Variants in TUB observed in about 807,000 individuals in gnomAD.
TUB encodes the protein TUB bipartite transcription factor, also known as tubby protein homolog.
In TUB, 33 loss-of-function variants were observed where a neutral mutation model predicts 59.7. The observed-to-expected ratio is 0.55, with a 90% CI of 0.42 to 0.74. The LOEUF is 0.74. Among genes scored for constraint, TUB ranks in the 30% least tolerant of loss-of-function variants. The probability of loss-of-function intolerance (pLI) is 0.00; values close to 1 mark genes in which losing one functional copy is unlikely to be tolerated. For synonymous variants in TUB, 293 were observed against 256.4 expected (o/e 1.14, Z -1.36); for missense variants, 659 against 672.0 (o/e 0.98, Z 0.21).
At chr11:8,101,132 G>A in intron 11 of TUB, 135 bp downstream of exon 11, 1 of 1,094,918 alleles carries the variant, frequency 9.1e-7, no homozygotes, top group South Asian at 1.6e-5. Context: ...TTAGATGTAT[G>A]GAACTTTCTA....
intron 2 of TUB, among the ~76,000 whole-genome samples, chr11:8,059,323 T>C (rs1943078302): frequency 6.6e-6 from 1 of 152,144 alleles, no homozygotes; most frequent in Admixed American, 6.6e-5. Context: ...CCAGTCGCAG[T>C]TAGTTACACC....
intron 1 of TUB, chr11:8,039,603 G>T (rs770749349): frequency 1.4e-6 from 2 of 1,436,446 alleles, no homozygotes; most frequent in African/African-American, 2.9e-5. Flanking sequence ...ATGAGGTGAG[G>T]CTGCAAGGAT....
upstream of TUB, among the ~76,000 whole-genome samples, chr11:8,080,958 G>T (rs944015864): frequency 4.6e-5 from 7 of 152,252 alleles, no homozygotes; most frequent in East Asian, 1.4e-3. Context: ...ACACAGGGAG[G>T]TGTTCGAATG....
upstream of TUB, among the ~76,000 whole-genome samples, chr11:8,079,116 T>C (rs1255809538): frequency 2.0e-5 from 3 of 152,194 alleles, no homozygotes; most frequent in African/African-American, 7.2e-5. Context: ...TCCAGGCTCC[T>C]GAGACCTTCC....
chr11:8,044,784 C>T lies in TUB; in HGVS notation c.203+5092C>T, dbSNP rs115709565. Among the ~76,000 whole-genome samples, 198 of 152,294 alleles carry T rather than the reference C, an allele frequency of 1.3e-3. 1 individual carries two copies. The highest frequency in any genetic ancestry group is 4.5e-3 in the African/African-American group (187 of 41,558). ...ATTGGGGGTTCCTAGGACCCCTGCT[C>T]AGGTATGAACATTTGCTAGAATGGC... On this transcript the variant is annotated intron_variant, in intron 2 of 12. Coordinates refer to the TUB transcript ENST00000305253.
intron 2 of TUB, among the ~76,000 whole-genome samples, chr11:8,041,515 G>A (rs538466517): frequency 6.6e-6 from 1 of 152,258 alleles, no homozygotes; most frequent in South Asian, 2.1e-4. Context: ...TCAACTTGTT[G>A]AAGAATATCA....
At chr11:8,047,353 A>G (rs1942851195) in intron 2 of TUB, among the ~76,000 whole-genome samples, 1 of 152,140 alleles carries the variant, frequency 6.6e-6, no homozygotes, top group African/African-American at 2.4e-5. Context: ...GTCTTAGTAA[A>G]TTTATATCAA....
At chr11:8,092,575 A>G (rs573620105) in intron 3 of TUB, among the ~76,000 whole-genome samples, 1 of 152,272 alleles carries the variant, frequency 6.6e-6, no homozygotes, top group South Asian at 2.1e-4. Flanking sequence ...CCAAGGTCCA[A>G]AATCAGGGAA....
At chr11:8,097,662 G>C (rs1589982892) in intron 7 of TUB, 52 bp from the exon 8 acceptor site, 12 of 1,506,104 alleles carry the variant, frequency 8.0e-6, no homozygotes, top group African/African-American at 6.9e-5. Context: ...TCTCATGACT[G>C]TGTGCAGACC....
intron 2 of TUB, chr11:8,068,507 T>A (rs1241154395): frequency 6.6e-6 from 1 of 152,390 alleles, no homozygotes; most frequent in Non-Finnish European, 1.5e-5. Flanking sequence ...CAGTCCCATA[T>A]AACCTCTCCA....
chr11:8,089,969 A>T (rs544595454), intron 2 of TUB, 100 bp from the exon 3 acceptor site: 5 of 1,433,162 alleles, frequency 3.5e-6, no homozygotes, highest in Non-Finnish European at 9.3e-7. Context: ...TGCCAAGGAC[A>T]TGGGGCCTTG....
At chr11:8,057,646 G>A (rs370320974) in intron 2 of TUB, among the ~76,000 whole-genome samples, 2 of 152,126 alleles carry the variant, frequency 1.3e-5, no homozygotes, top group Non-Finnish European at 2.9e-5. Flanking sequence ...TGTCCCCTGC[G>A]AAGTCACGGA....
Position 8,097,409 on chromosome 11 carries a change from G to A in TUB, c.869G>A (p.Arg290His), listed in dbSNP as rs557127956. The change falls in exon 7 of 12, where the codon CGT becomes CAT. Residue 290 changes from arginine to histidine, a missense_variant. Arg to His is a conservative substitution (Grantham distance 29, BLOSUM62 0). Around this residue, in one of 3 missense-constraint regions of TUB, gnomAD observed 112 missense variants for 156.9 expected, o/e 0.71. Transcript: ENST00000299506. ...CCCACCTACTTTCTGCACCTGGACCGTGAGGATGGGAAGAAGGTAAGGTTG... is the reference window on the plus strand; with the variant it reads ...CCCACCTACTTTCTGCACCTGGACCATGAGGATGGGAAGAAGGTAAGGTTG... ...MYPTYFLHLD[R>H]EDGKKVFLLA... 7.4e-6 allele frequency: 12 copies of A among 1,614,100 alleles called. No individual in the cohort carries two copies. Among genetic ancestry groups the A allele is most frequent in the East Asian group, 2.2e-5 (1 of 44,894 alleles).
chr11:8,021,060 G>A (rs1942418505), intron 1 of TUB, among the ~76,000 whole-genome samples: 1 of 152,178 alleles, frequency 6.6e-6, no homozygotes, highest in Non-Finnish European at 1.5e-5. Context: ...AAAGCAGAAA[G>A]ACTTTGGAAT....
chr11:8,032,505 C>T (rs566914089), intron 1 of TUB, among the ~76,000 whole-genome samples: 1 of 152,324 alleles, frequency 6.6e-6, no homozygotes, highest in East Asian at 1.9e-4. Flanking sequence ...ACACATCTAT[C>T]GGCTTAAATG....
intron 2 of TUB, among the ~76,000 whole-genome samples, chr11:8,049,708 C>G (rs1353989529): frequency 6.6e-6 from 1 of 151,638 alleles, no homozygotes; most frequent in Non-Finnish European, 1.5e-5. Context: ...GTAATCACTA[C>G]ATATTCATTG....
intron 3 of TUB, among the ~76,000 whole-genome samples, chr11:8,091,394 G>A (rs1262402558): frequency 1.3e-5 from 2 of 152,162 alleles, no homozygotes; most frequent in African/African-American, 4.8e-5. Context: ...CTGTACATCT[G>A]CCAGTGGCTA....
chr11:8,101,029 C>T (rs370759566), intron 11 of TUB, 32 bp downstream of exon 11: 27 of 1,612,512 alleles, frequency 1.7e-5, no homozygotes, highest in Middle Eastern at 1.6e-4. Flanking sequence ...CATTATGGTC[C>T]GTAGGATACC....
rs143365151 is a variant in TUB at position 8,027,188 on chromosome 11, T to C, written c.56+7830T>C. Reference sequence around the variant, plus strand: ...GTGGCATCAGTTACATTCACAGTATTGTGCAACCATCACCACTATCTATTT... The same window carrying C: ...GTGGCATCAGTTACATTCACAGTATCGTGCAACCATCACCACTATCTATTT... On this transcript the variant is annotated intron_variant, in intron 1 of 11. Transcript: ENST00000534099. 1.3e-3 allele frequency among the ~76,000 whole-genome samples: 198 copies of C among 152,338 alleles called. 2 individuals are homozygous for C. Among genetic ancestry groups the C allele is most frequent in the African/African-American group, 4.4e-3 (185 of 41,582 alleles).
Sources: gnomAD v4.1 joint callset for allele counts (sites outside exome capture counted in the v4.1 genomes callset) on GRCh38, gnomAD v4.1.1 for gene constraint, gnomAD v4.1.1 regional missense constraint, MANE v1.5 for transcripts, NCBI Gene and HGNC (gene_info 2026-07-23, HGNC 2026-07-21) for gene names.